Variants in FHOD3 observed in about 807,000 individuals in gnomAD.
The protein encoded by FHOD3 is formin homology 2 domain containing 3.
In FHOD3, 90 loss-of-function variants were observed where a neutral mutation model predicts 173.0. That is an observed-to-expected ratio of 0.52 (90% CI 0.44 to 0.62). The LOEUF (loss-of-function observed/expected upper bound fraction) is 0.62, where lower values mean the gene tolerates loss of function less well. Ranked by LOEUF, FHOD3 falls within the 20% of genes least tolerant of loss-of-function variation. The probability of loss-of-function intolerance (pLI) is 0.00; values close to 1 mark genes in which losing one functional copy is unlikely to be tolerated. For missense variants in FHOD3, 1,945 were observed against 2,034.7 expected (o/e 0.96, Z 0.85); for synonymous variants, 828 against 823.0 (o/e 1.01, Z -0.10).
intron 8 of FHOD3, among the ~76,000 whole-genome samples, chr18:36,606,605 A>G (rs1198116140): frequency 1.3e-5 from 2 of 152,200 alleles, no homozygotes; most frequent in South Asian, 4.1e-4. Context: ...ATTCCATCCC[A>G]TTAGCCCCAA....
At chr18:36,619,784 A>T (rs887627648) in intron 9 of FHOD3, among the ~76,000 whole-genome samples, 4 of 152,244 alleles carry the variant, frequency 2.6e-5, no homozygotes, top group Admixed American at 2.6e-4. Flanking sequence ...TGAGATCGCA[A>T]ACATGTCTAT....
intron 17 of FHOD3, among the ~76,000 whole-genome samples, chr18:36,698,500 G>A (rs909241244): frequency 7.2e-5 from 11 of 152,154 alleles, no homozygotes; most frequent in Non-Finnish European, 1.3e-4. Flanking sequence ...TAAGGCAAGA[G>A]AATAGCTTGA....
At chr18:36,776,016 G>C (rs563228986) in intron 28 of FHOD3, among the ~76,000 whole-genome samples, 32 of 152,160 alleles carry the variant, frequency 2.1e-4, no homozygotes, top group Non-Finnish European at 3.8e-4. Flanking sequence ...TGAGGAGTCG[G>C]GAGAGGCCCA....
chr18:36,587,084 G>C (rs1386559720), intron 6 of FHOD3, among the ~76,000 whole-genome samples: 1 of 152,134 alleles, frequency 6.6e-6, no homozygotes, highest in Non-Finnish European at 1.5e-5. Context: ...ACAGATACAG[G>C]GCATCTTCAA....
At position 36,561,133 on chromosome 18, in the gene FHOD3, A is replaced by G. The variant is rs146765406; in HGVS notation, c.512-15318A>G. On this transcript the variant is annotated intron_variant, in intron 5 of 28. Transcript: ENST00000590592. Reference sequence around the variant, plus strand: ...TAAGAATTTATGGTCTGAAGTATTTATTCCATTTCAGTAGCTGATAACATG... The same window carrying G: ...TAAGAATTTATGGTCTGAAGTATTTGTTCCATTTCAGTAGCTGATAACATG... 2.0e-3 allele frequency among the ~76,000 whole-genome samples: 308 copies of G among 152,356 alleles called. 1 individual carries two copies. The highest frequency in any genetic ancestry group is 7.1e-3 in the African/African-American group (294 of 41,592).
At position 36,307,230 on chromosome 18, in the gene FHOD3, G is replaced by A. The variant is rs541171339; in HGVS notation, c.165+9230G>A. Among the ~76,000 whole-genome samples, 4 of 152,350 alleles carry A rather than the reference G, an allele frequency of 2.6e-5. No individual in the cohort carries two copies. The East Asian group carries it at 7.7e-4, about 29-fold the overall frequency. On this transcript the variant is annotated intron_variant, in intron 1 of 28. Transcript: ENST00000590592. ...GCCCGCGTCAGCCTCCCAAAGTGCT[G>A]GGATTACAGGCATGAGCCACTGCGC...
intron 27 of FHOD3, among the ~76,000 whole-genome samples, chr18:36,765,600 T>C (rs2043106126): frequency 6.6e-6 from 1 of 151,964 alleles, no homozygotes; most frequent in South Asian, 2.1e-4. Flanking sequence ...CATAGACAAG[T>C]GGGTAAAAAG....
At chr18:36,500,402 C>T (rs991482161) in intron 3 of FHOD3, among the ~76,000 whole-genome samples, 1 of 152,216 alleles carries the variant, frequency 6.6e-6, no homozygotes, top group African/African-American at 2.4e-5. Context: ...CTTCTGCAAA[C>T]TCTTCTGGGG....
At chr18:36,427,931 A>G (rs1013126916) in intron 3 of FHOD3, among the ~76,000 whole-genome samples, 1 of 152,224 alleles carries the variant, frequency 6.6e-6, no homozygotes, top group Admixed American at 6.5e-5. Flanking sequence ...AAATTCTTAG[A>G]AATTAGAATA....
intron 5 of FHOD3, among the ~76,000 whole-genome samples, chr18:36,517,917 C>A (rs11877027): frequency 9.3e-4 from 141 of 152,094 alleles, no homozygotes; most frequent in African/African-American, 3.2e-3. Flanking sequence ...TTAGGGGATC[C>A]CTTAATGAGA....
intron 13 of FHOD3, among the ~76,000 whole-genome samples, chr18:36,655,743 C>T (rs2036380535): frequency 8.5e-6 from 1 of 117,774 alleles, no homozygotes; most frequent in Non-Finnish European, 1.7e-5. Context: ...AACCCTCACC[C>T]TCCACACACA....
chr18:36,762,288 A>G (rs2042915943), intron 27 of FHOD3, among the ~76,000 whole-genome samples: 1 of 152,294 alleles, frequency 6.6e-6, no homozygotes, highest in Non-Finnish European at 1.5e-5. Context: ...CTATGAACCA[A>G]AGAGCCACAA....
In FHOD3 at chr18:36,669,875, GC is replaced by G. The variant is rs1394415884; in HGVS notation, c.1836-11559del. 3.3e-5 allele frequency among the ~76,000 whole-genome samples: 5 copies of G among 151,912 alleles called. No individual in the cohort carries two copies. In the East Asian group the frequency reaches 9.7e-4, roughly 29 times the overall value. On this transcript the variant is annotated intron_variant, in intron 14 of 28. Transcript: ENST00000590592. Reference sequence around the variant, plus strand: ...TTTTATTTTTGTGTAAATCAAGATGGCCATGTGGTATTATTTATCTTCTGCC... The same window carrying G: ...TTTTATTTTTGTGTAAATCAAGATGGCATGTGGTATTATTTATCTTCTGCC...
At chr18:36,525,410 A>G (rs918130643) in intron 5 of FHOD3, among the ~76,000 whole-genome samples, 3 of 152,082 alleles carry the variant, frequency 2.0e-5, no homozygotes, top group Admixed American at 6.5e-5. Flanking sequence ...TCAGACCACA[A>G]CTGACACCTT....
At chr18:36,428,325 G>A (rs1040846093) in intron 3 of FHOD3, among the ~76,000 whole-genome samples, 1 of 152,144 alleles carries the variant, frequency 6.6e-6, no homozygotes, top group African/African-American at 2.4e-5. Context: ...TGTAGTAAGC[G>A]TTAAAGGATT....
Position 36,665,814 on chromosome 18 carries a change from G to A in FHOD3, c.1835+7626G>A, listed in dbSNP as rs567058222. ...CTGGCCAGCAAGGCCTGGGAGCCAC[G>A]TAACACAGGAGATGCTGGTGGCAGT... On this transcript the variant is annotated intron_variant, in intron 14 of 28. Transcript: ENST00000590592. Among the ~76,000 whole-genome samples, 61 of 152,326 alleles carry A rather than the reference G, an allele frequency of 4.0e-4. No homozygotes were observed. In the South Asian group the frequency reaches 0.012, roughly 30 times the overall value.
At chr18:36,448,296 G>T (rs189648336) in intron 3 of FHOD3, among the ~76,000 whole-genome samples, 1 of 152,132 alleles carries the variant, frequency 6.6e-6, no homozygotes, top group Non-Finnish European at 1.5e-5. Flanking sequence ...GTTCATAAAG[G>T]GTAGGGTAGA....
At chr18:36,558,565 A>G (rs1174177500) in intron 5 of FHOD3, among the ~76,000 whole-genome samples, 1 of 152,204 alleles carries the variant, frequency 6.6e-6, no homozygotes, top group African/African-American at 2.4e-5. Flanking sequence ...ACTTCTGGGA[A>G]TATATCTTAA....
At chr18:36,425,459 G>C (rs1464296329) in intron 3 of FHOD3, among the ~76,000 whole-genome samples, 1 of 152,130 alleles carries the variant, frequency 6.6e-6, no homozygotes, top group African/African-American at 2.4e-5. Flanking sequence ...TTGTATTTAA[G>C]AAAAGCTTTA....
Sources: gnomAD v4.1 joint callset for allele counts (sites outside exome capture counted in the v4.1 genomes callset) on GRCh38, gnomAD v4.1.1 for gene constraint, MANE v1.5 for transcripts, NCBI Gene and HGNC (gene_info 2026-07-23, HGNC 2026-07-21) for gene names.